Variants in ABCA13 observed in about 807,000 individuals in gnomAD.
ABCA13 encodes ATP binding cassette subfamily A member 13.
In ABCA13, 476 loss-of-function variants were observed where a neutral mutation model predicts 478.7. That is an observed-to-expected ratio of 0.99 (90% CI 0.92 to 1.07). The LOEUF (loss-of-function observed/expected upper bound fraction) is 1.07, where lower values mean the gene tolerates loss of function less well. Ranked by LOEUF, ABCA13 falls within the 50% of genes least tolerant of loss-of-function variation. The probability of loss-of-function intolerance (pLI) is 0.00; values close to 1 mark genes in which losing one functional copy is unlikely to be tolerated. For synonymous variants in ABCA13, 2,252 were observed against 2,158.9 expected (o/e 1.04, Z -1.20); for missense variants, 6,060 against 5,910.6 (o/e 1.03, Z -0.83).
In ABCA13 at chr7:48,560,437, C is replaced by T. The variant is rs574772902; in HGVS notation, c.14355-19787C>T. ...ATCAGCGATTTATGACTGTCTCTCC[C>T]ACCCTCTTCAGTGCCTCTTTTAGTG... On this transcript the variant is annotated intron_variant, in intron 55 of 61. Transcript: ENST00000435803. Among the ~76,000 whole-genome samples the T allele has an allele frequency of 2.6e-5, 4 of 152,296 alleles. No individual in the cohort carries two copies. In the South Asian group the frequency reaches 6.2e-4, roughly 24 times the overall value.
Position 48,547,610 on chromosome 7 carries a change from C to G in ABCA13, c.14354+19265C>G, listed in dbSNP as rs1442636504. The stretch of plus-strand genomic sequence containing the variant: ...AATTTCACACTGAAGATGCTCACTC[C>G]TCTGCACACATGGTCCGTGATGTCC... On this transcript the variant is annotated intron_variant, in intron 55 of 61. Transcript: ENST00000435803. 3.3e-5 allele frequency among the ~76,000 whole-genome samples: 5 copies of G among 151,954 alleles called. 1 individual carries two copies. The highest frequency in any genetic ancestry group is 1.9e-4 in the East Asian group (1 of 5,178).
chr7:48,319,616 C>T (rs1803119224), intron 27 of ABCA13, among the ~76,000 whole-genome samples: 1 of 152,122 alleles, frequency 6.6e-6, no homozygotes, highest in Non-Finnish European at 1.5e-5. Flanking sequence ...TCTGAAGTTG[C>T]CATTTTTGCA....
At chr7:48,524,188 T>A in intron 53 of ABCA13, 60 bp from the exon 54 acceptor site, 1 of 1,507,990 alleles carries the variant, frequency 6.6e-7, no homozygotes, top group Non-Finnish European at 9.0e-7. Flanking sequence ...TTTTTGCCTC[T>A]TCTAGACTAT....
Position 48,644,729 on chromosome 7 carries a change from C to A in ABCA13, c.15056C>A (p.Ser5019Tyr). The A allele has an allele frequency of 6.2e-7, 1 of 1,601,520 alleles. No homozygotes were observed. The highest frequency in any genetic ancestry group is 8.5e-7 in the Non-Finnish European group (1 of 1,176,416). The change falls in exon 61 of 62, where the codon TCC becomes TAC. Residue 5019 changes from serine to tyrosine, a missense_variant. Ser to Tyr is a moderately radical substitution (Grantham distance 144). Coordinates refer to ENST00000435803, the MANE Select transcript of ABCA13 (RefSeq NM_152701.5). ...NKTFLNIKHY[S>Y]INQTTLEQVF... ...ACCTTCTTGAATATTAAGCATTATT[C>A]CATTAACCAAACCACTTTGGAGCAG...
Position 48,507,897 on chromosome 7 carries a change from G to C in ABCA13, c.13372G>C (p.Val4458Leu). ...KILESIRQCG[V>L]ALCIVLGFSI... Reference sequence around the variant, plus strand: ...CCTGGAGAGCATCCGTCAGTGTGGAGTGGCCCTCTGCATCGTGCTGGGATT... The same window carrying C: ...CCTGGAGAGCATCCGTCAGTGTGGACTGGCCCTCTGCATCGTGCTGGGATT... Residue 4458 changes from valine to leucine, a missense_variant, in exon 50 of 62, where the codon GTG becomes CTG. Physicochemically the swap from Val to Leu is conservative, Grantham distance 32 (BLOSUM62 1). Coordinates refer to ENST00000435803, the MANE Select transcript of ABCA13 (RefSeq NM_152701.5). The C allele has an allele frequency of 1.2e-6, 2 of 1,611,720 alleles. No individual in the cohort carries two copies. Among genetic ancestry groups the C allele is most frequent in the Non-Finnish European group, 1.7e-6 (2 of 1,178,980 alleles).
Position 48,192,970 on chromosome 7 carries a change from T to C in ABCA13, c.81T>C (p.Leu27=), listed in dbSNP as rs1468568636. ...LCRLRNPVLF[L]AEFFWPCILF... ...TTTTAATTTTCTAGGTCCTTTTCCT[T>C]GCTGAATTCTTCTGGCCTTGTATCC... Residue 27 remains leucine, a synonymous_variant, in exon 2 of 62, where the codon CTT becomes CTC. Coordinates refer to ENST00000435803, the MANE Select transcript of ABCA13 (RefSeq NM_152701.5). 2.6e-6 allele frequency: 4 copies of C among 1,526,784 alleles called. No individual in the cohort carries two copies. In the South Asian group the frequency reaches 5.0e-5, roughly 19 times the overall value. 94.6% of individuals were successfully genotyped at this position (1,526,784 alleles called of 1,614,324 possible).
Position 48,276,288 on chromosome 7 carries a change from A to G in ABCA13, c.6622A>G (p.Ile2208Val), listed in dbSNP as rs1317973509. ...AGTTGTTCAGCTGCTTTTTGAAAAC[A>G]TCCTAATTAATTTGATCAATAACTT... is the stretch of plus-strand genomic sequence containing the variant. ...FSVVQLLFENILINLINNLAG... is the reference protein window; with the variant it reads ...FSVVQLLFENVLINLINNLAG... Residue 2208 changes from isoleucine (I) to valine (V), a missense_variant, in exon 17 of 62, where the codon ATC becomes GTC. Coordinates refer to ENST00000435803, the MANE Select transcript of ABCA13 (RefSeq NM_152701.5). 6.4e-7 allele frequency: 1 copy of G among 1,561,354 alleles called. No individual in the cohort carries two copies. Among genetic ancestry groups the G allele is most frequent in the African/African-American group, 1.4e-5 (1 of 73,700 alleles).
At chr7:48,639,116 T>G (rs1315625614) in intron 59 of ABCA13, among the ~76,000 whole-genome samples, 1 of 152,230 alleles carries the variant, frequency 6.6e-6, no homozygotes, top group Non-Finnish European at 1.5e-5. Context: ...ACAGAGCTCA[T>G]GTCCTCAGTC....
At chr7:48,631,705 T>G (rs2131639175) in intron 59 of ABCA13, among the ~76,000 whole-genome samples, 1 of 152,244 alleles carries the variant, frequency 6.6e-6, no homozygotes, top group African/African-American at 2.4e-5. Context: ...ATTCTATGAA[T>G]AATGATATTG....
At chr7:48,205,662 A>C (rs1784833782) in intron 3 of ABCA13, among the ~76,000 whole-genome samples, 1 of 152,196 alleles carries the variant, frequency 6.6e-6, no homozygotes, top group African/African-American at 2.4e-5. Context: ...GCATCTTGAG[A>C]TCCTGATGCA....
chr7:48,416,239 A>T (rs1231231257), intron 41 of ABCA13, among the ~76,000 whole-genome samples: 2 of 152,172 alleles, frequency 1.3e-5, no homozygotes, highest in African/African-American at 4.8e-5. Context: ...ACCTGTTGAA[A>T]CTTGAAGAAC....
intron 14 of ABCA13, 52 bp from the exon 15 acceptor site, chr7:48,249,160 C>G (rs1045663245): frequency 8.6e-6 from 13 of 1,517,506 alleles, no homozygotes; most frequent in South Asian, 1.2e-5. Context: ...GATCTGTCAT[C>G]TGCAAGATCA....
intron 38 of ABCA13, among the ~76,000 whole-genome samples, chr7:48,402,500 T>C (rs1368819964): frequency 1.3e-5 from 2 of 152,138 alleles, no homozygotes; most frequent in East Asian, 3.9e-4. Flanking sequence ...GGAGCATAAA[T>C]TATTACTATA....
chr7:48,431,030 T>C (rs552820386), intron 42 of ABCA13, among the ~76,000 whole-genome samples: 2 of 152,332 alleles, frequency 1.3e-5, no homozygotes, highest in African/African-American at 2.4e-5. Context: ...AATTTTGATA[T>C]GTTGTATCTT....
chr7:48,388,496 G>A (rs1469836932), intron 36 of ABCA13, among the ~76,000 whole-genome samples: 1 of 152,182 alleles, frequency 6.6e-6, no homozygotes, highest in Non-Finnish European at 1.5e-5. Context: ...GCAGGTGCAG[G>A]CACAGGGCAC....
intron 41 of ABCA13, among the ~76,000 whole-genome samples, chr7:48,425,081 T>C (rs1821227893): frequency 6.6e-6 from 1 of 152,178 alleles, no homozygotes; most frequent in South Asian, 2.1e-4. Flanking sequence ...GTACCATAAT[T>C]GATTGTATCT....
rs779447690 is a variant in ABCA13, at chr7:48,309,959, G to C, written c.9334G>C (p.Ala3112Pro). The change falls in exon 24 of 62, where the codon GCC becomes CCC. Residue 3112 changes from alanine (A) to proline (P), a missense_variant. Ala to Pro is a conservative substitution (Grantham distance 27). Transcript: ENST00000435803. ...NISHSKVLFS[A>P]LTVALSGKCD... is the part of the protein sequence containing the mutation. ...TGCTTTGAAACAGGTTCTCTTCAGT[G>C]CCCTCACCGTAGCTCTGTCTGGAAA... 30 of 1,613,768 alleles carry C rather than the reference G, an allele frequency of 1.9e-5. No individual in the cohort carries two copies.
rs117926767 is a variant in ABCA13 at position 48,360,395 on chromosome 7, A to T, written c.10689-7399A>T. Among the ~76,000 whole-genome samples the T allele has an allele frequency of 1.4e-3, 218 of 152,104 alleles. 7 individuals carry two copies. Among genetic ancestry groups the T allele is most frequent in the African/African-American group, 4.9e-3 (203 of 41,366 alleles). On this transcript the variant is annotated intron_variant, in intron 31 of 61. Coordinates refer to ENST00000435803, the MANE Select transcript of ABCA13 (RefSeq NM_152701.5). Reference sequence around the variant, plus strand: ...GTTTAATTTCCTAATGGTATAATTTATAGATAGTTCTTTGATTTGGGTTCC... The same window carrying T: ...GTTTAATTTCCTAATGGTATAATTTTTAGATAGTTCTTTGATTTGGGTTCC...
chr7:48,318,082 T>C (rs1802850139), intron 27 of ABCA13, among the ~76,000 whole-genome samples: 1 of 152,178 alleles, frequency 6.6e-6, no homozygotes, highest in Non-Finnish European at 1.5e-5. Context: ...CTATTCATGA[T>C]AAGCTTCCAA....
Sources: allele counts gnomAD v4.1 joint callset (sites outside exome capture counted in the v4.1 genomes callset), GRCh38; gene constraint gnomAD v4.1.1; transcripts MANE v1.5; gene names NCBI Gene and HGNC (gene_info 2026-07-23, HGNC 2026-07-21).